Variants in NEDD4L observed in about 807,000 individuals in gnomAD.
The protein encoded by NEDD4L is E3 ubiquitin-protein ligase NEDD4-like.
Under a neutral mutation model 148.9 loss-of-function variants are expected in NEDD4L, and 54 were observed. That is an observed-to-expected ratio of 0.36 (90% CI 0.29 to 0.45). The LOEUF is 0.45. Among genes scored for constraint, NEDD4L ranks in the 20% least tolerant of loss-of-function variants. The probability of loss-of-function intolerance (pLI) is 1.00; values close to 1 mark genes in which losing one functional copy is unlikely to be tolerated. For synonymous variants in NEDD4L, 433 were observed against 440.7 expected (o/e 0.98, Z 0.22); for missense variants, 856 against 1,233.8 (o/e 0.69, Z 4.59).
At chr18:58,276,867 G>A (rs1254512496) in intron 5 of NEDD4L, among the ~76,000 whole-genome samples, 1 of 152,100 alleles carries the variant, frequency 6.6e-6, no homozygotes, top group African/African-American at 2.4e-5. Flanking sequence ...TGTAGTTGCT[G>A]GAATGCCTAT....
At chr18:58,078,710 T>A (rs985226887) in intron 1 of NEDD4L, among the ~76,000 whole-genome samples, 15 of 152,206 alleles carry the variant, frequency 9.9e-5, no homozygotes, top group Admixed American at 7.9e-4. Flanking sequence ...GGCAGTTCTT[T>A]TCTTGAGGTG....
chr18:58,201,999 C>G (rs4940657), intron 2 of NEDD4L, among the ~76,000 whole-genome samples: 52,359 of 152,034 alleles, frequency 0.34, 9,591 homozygotes, highest in African/African-American at 0.47. Flanking sequence ...TAGCCCTGGG[C>G]ATATGTCATT....
At chr18:58,212,530 T>C (rs1327497368) in intron 2 of NEDD4L, among the ~76,000 whole-genome samples, 1 of 152,192 alleles carries the variant, frequency 6.6e-6, no homozygotes, top group Non-Finnish European at 1.5e-5. Context: ...CCTGCATCTG[T>C]GATTCAGTTA....
chr18:58,185,624 A>G (rs2039378528), intron 2 of NEDD4L, among the ~76,000 whole-genome samples: 1 of 152,246 alleles, frequency 6.6e-6, no homozygotes, highest in African/African-American at 2.4e-5. Flanking sequence ...CTGTAATCCC[A>G]ACACTTTGGG....
chr18:58,315,853 G>A, intron 5 of NEDD4L, 129 bp from the exon 6 acceptor site: 1 of 835,784 alleles, frequency 1.2e-6, no homozygotes, highest in Admixed American at 1.7e-5. Context: ...TCTCCTCGGG[G>A]CCTTCCGCCC....
At chr18:58,241,666 ACT>A (rs1210721132) in intron 2 of NEDD4L, among the ~76,000 whole-genome samples, 1 of 151,868 alleles carries the variant, frequency 6.6e-6, no homozygotes, top group East Asian at 1.9e-4. Flanking sequence ...TGCTTGGCAC[ACT>A]CTGTCACAAT....
chr18:58,235,400 C>T, intron 2 of NEDD4L, among the ~76,000 whole-genome samples: 1 of 152,178 alleles, frequency 6.6e-6, no homozygotes, highest in East Asian at 1.9e-4. Context: ...ATACCGTGTG[C>T]CTCTGCATGT....
At chr18:58,167,684 C>T (rs564410808) in intron 2 of NEDD4L, among the ~76,000 whole-genome samples, 2 of 152,028 alleles carry the variant, frequency 1.3e-5, no homozygotes, top group African/African-American at 4.8e-5. Flanking sequence ...TAATATCTTT[C>T]TCCTACTACT....
At chr18:58,377,711 A>G (rs1156828605) in intron 24 of NEDD4L, among the ~76,000 whole-genome samples, 1 of 151,394 alleles carries the variant, frequency 6.6e-6, no homozygotes, top group African/African-American at 2.4e-5. Flanking sequence ...TTGCAAGTTC[A>G]GCAGAGCAAC....
In NEDD4L at chr18:58,396,314, T is replaced by A. The variant is rs780354713; in HGVS notation, c.*45T>A. The A allele has an allele frequency of 2.3e-6, 3 of 1,315,942 alleles. No homozygotes were observed. Among genetic ancestry groups the A allele is most frequent in the Non-Finnish European group, 3.3e-6 (3 of 920,724 alleles). 81.5% of individuals were successfully genotyped at this position (1,315,942 alleles called of 1,614,324 possible). ...TGGTTGTTCTTCAAGCAAGTTCTGC[T>A]TGCACTTTTGCATTTGCCTAACAGA... is the stretch of plus-strand genomic sequence containing the variant. On this transcript the variant is annotated 3_prime_UTR_variant, in exon 31 of 31. Coordinates refer to ENST00000400345, the MANE Select transcript of NEDD4L (RefSeq NM_001144967.3).
intron 5 of NEDD4L, among the ~76,000 whole-genome samples, chr18:58,271,412 T>A (rs768143281): frequency 1.3e-5 from 2 of 152,208 alleles, no homozygotes; most frequent in Non-Finnish European, 2.9e-5. Context: ...TTTTCGTGGT[T>A]TATTCTCTTC....
intron 2 of NEDD4L, among the ~76,000 whole-genome samples, chr18:58,168,804 T>G (rs986454719): frequency 6.6e-6 from 1 of 152,228 alleles, no homozygotes; most frequent in Non-Finnish European, 1.5e-5. Flanking sequence ...GTAGAAATCC[T>G]GTAGACAATG....
chr18:58,370,361 G>A (rs761111891), intron 22 of NEDD4L, 36 bp from the exon 23 acceptor site: 2 of 1,304,408 alleles, frequency 1.5e-6, no homozygotes, highest in Non-Finnish European at 2.2e-6. Context: ...CAGTGTCAAA[G>A]ACCTGAAACT....
intron 5 of NEDD4L, among the ~76,000 whole-genome samples, chr18:58,272,034 G>T (rs1383837249): frequency 6.6e-6 from 1 of 152,116 alleles, no homozygotes; most frequent in Non-Finnish European, 1.5e-5. Context: ...GGTTATTGAA[G>T]ATATATTCAA....
chr18:58,057,435 T>C (rs2082137827), intron 1 of NEDD4L, among the ~76,000 whole-genome samples: 1 of 152,116 alleles, frequency 6.6e-6, no homozygotes, highest in African/African-American at 2.4e-5. Context: ...AGCGTTTGCT[T>C]TGGTCAGCCG....
chr18:58,291,639 C>G (rs547207721), intron 5 of NEDD4L, among the ~76,000 whole-genome samples: 2 of 152,244 alleles, frequency 1.3e-5, no homozygotes, highest in East Asian at 3.9e-4. Flanking sequence ...CTAGGAAAGA[C>G]AGCCCTAATT....
chr18:58,135,967 G>C (rs1055665954), intron 1 of NEDD4L, among the ~76,000 whole-genome samples: 4 of 152,208 alleles, frequency 2.6e-5, no homozygotes, highest in African/African-American at 9.7e-5. Context: ...CTGAACGCTT[G>C]CTCCCCCTTG....
chr18:58,093,605 T>C (rs2084205130), intron 1 of NEDD4L, among the ~76,000 whole-genome samples: 1 of 152,190 alleles, frequency 6.6e-6, no homozygotes, highest in Non-Finnish European at 1.5e-5. Context: ...TGCTGAGCAG[T>C]TCACTTGAGA....
intron 16 of NEDD4L, among the ~76,000 whole-genome samples, chr18:58,348,514 G>T (rs1381297775): frequency 2.0e-5 from 3 of 151,088 alleles, no homozygotes; most frequent in African/African-American, 7.3e-5. Context: ...TTTTTAGTAG[G>T]AACGGAGTTT....
Sources: gnomAD v4.1 joint callset for allele counts (sites outside exome capture counted in the v4.1 genomes callset) on GRCh38, gnomAD v4.1.1 for gene constraint, MANE v1.5 for transcripts, NCBI Gene and HGNC (gene_info 2026-07-23, HGNC 2026-07-21) for gene names.